CASP8: variants seen among roughly 807,000 people sequenced by gnomAD.
CASP8 encodes the protein caspase-8.
In CASP8, 24 loss-of-function variants were observed where a neutral mutation model predicts 46.3. That is an observed-to-expected ratio of 0.52 (90% CI 0.38 to 0.73). The LOEUF (loss-of-function observed/expected upper bound fraction) is 0.73. Among genes scored for constraint, CASP8 ranks in the 30% least tolerant of loss-of-function variants. CASP8 has a pLI of 0.00. For synonymous variants in CASP8, 188 were observed against 200.4 expected, an observed-to-expected ratio of 0.94 and a Z score of 0.52; for missense variants, 460 against 559.0, an observed-to-expected ratio of 0.82 and a Z score of 1.79.
At chr2:201,261,524 A>T (rs1319105959) in intron 1 of CASP8, among the ~76,000 whole-genome samples, 1 of 152,200 alleles carries the variant, frequency 6.6e-6, no homozygotes, top group Non-Finnish European at 1.5e-5. Context: ...TGCAAGTTTC[A>T]TTCTGTTTGA....
intron 2 of CASP8, among the ~76,000 whole-genome samples, chr2:201,245,141 C>A (rs1444314025): frequency 1.3e-5 from 2 of 152,216 alleles, no homozygotes; most frequent in Admixed American, 1.3e-4. Flanking sequence ...GGCCACAAAT[C>A]TGGGGCCATT....
chr2:201,267,724 T>C (rs1947924778), intron 2 of CASP8, among the ~76,000 whole-genome samples: 1 of 152,218 alleles, frequency 6.6e-6, no homozygotes, highest in Admixed American at 6.5e-5. Context: ...TTAGCTTTGC[T>C]TTCAGGAAAC....
chr2:201,267,246 C>A (rs1291371028), intron 2 of CASP8, among the ~76,000 whole-genome samples: 1 of 151,976 alleles, frequency 6.6e-6, no homozygotes, highest in Non-Finnish European at 1.5e-5. Flanking sequence ...TCTCGATATC[C>A]AGATTGTGTG....
chr2:201,256,138 TAGGAGTTCC>T (rs1218371819), upstream of CASP8, among the ~76,000 whole-genome samples: 1 of 152,254 alleles, frequency 6.6e-6, no homozygotes, highest in Non-Finnish European at 1.5e-5. Context: ...TTTGCTCAGA[TAGGAGTTCC>T]AAAGCTGGAG....
At position 201,272,909 on chromosome 2, in the gene CASP8, A is replaced by T. The variant is rs1188998753; in HGVS notation, c.562A>T (p.Ser188Cys). 4 of 1,614,208 alleles carry T rather than the reference A, an allele frequency of 2.5e-6. No homozygotes were observed. The highest frequency in any genetic ancestry group is 2.5e-6 in the Non-Finnish European group (3 of 1,180,010). ...YEEFSKERSSSLEGSPDEFSN... is the reference protein window; with the variant it reads ...YEEFSKERSSCLEGSPDEFSN... Reference sequence around the variant, plus strand: ...CCCTTTTAATTCAGAGAGAAGCAGCAGCCTTGAAGGAAGTCCTGATGAATT... The same window carrying T: ...CCCTTTTAATTCAGAGAGAAGCAGCTGCCTTGAAGGAAGTCCTGATGAATT... The change falls in exon 5 of 9, where the codon AGC becomes TGC. Residue 188 changes from serine to cysteine, a missense_variant. By Grantham distance (112) the Ser-to-Cys change is moderately radical. Transcript: ENST00000673742. This position sits in a 1 kb window ranked among gnomAD's most constrained non-coding sequence, Gnocchi z 4.4.
chr2:201,235,379 T>G (rs1946006449), intron 2 of CASP8, among the ~76,000 whole-genome samples: 1 of 152,202 alleles, frequency 6.6e-6, no homozygotes, highest in African/African-American at 2.4e-5. Context: ...TTCTTAAAAT[T>G]ACAGTATTTA....
At position 201,276,864 on chromosome 2, in the gene CASP8, G is replaced by A. The variant is rs771150445; in HGVS notation, c.698G>A (p.Arg233Gln). Residue 233 changes from arginine (R) to glutamine (Q), a missense_variant, in exon 7 of 9, where the codon CGG becomes CAG. Physicochemically the swap from Arg to Gln is conservative, Grantham distance 43. Coordinates refer to ENST00000673742, the MANE Select transcript of CASP8 (RefSeq NM_001372051.1). ...DKVYQMKSKPRGYCLIINNHN... is the reference protein window; with the variant it reads ...DKVYQMKSKPQGYCLIINNHN... Reference sequence around the variant, plus strand: ...GTTTACCAAATGAAAAGCAAACCTCGGGGATACTGTCTGATCATCAACAAT... The same window carrying A: ...GTTTACCAAATGAAAAGCAAACCTCAGGGATACTGTCTGATCATCAACAAT... 7 of 1,613,924 alleles carry A rather than the reference G, an allele frequency of 4.3e-6. No individual in the cohort carries two copies. Among genetic ancestry groups the A allele is most frequent in the South Asian group, 2.2e-5 (2 of 91,080 alleles).
Position 201,276,921 on chromosome 2 carries a change from C to T in CASP8, c.755C>T (p.Pro252Leu), listed in dbSNP as rs1221800282. Reference protein sequence around the residue: ...HNFAKAREKVPKLHSIRDRNG... With the variant: ...HNFAKAREKVLKLHSIRDRNG... Reference sequence around the variant, plus strand: ...TTTGCAAAAGCACGGGAGAAAGTGCCCAAACTTCACAGCATTAGGGACAGG... The same window carrying T: ...TTTGCAAAAGCACGGGAGAAAGTGCTCAAACTTCACAGCATTAGGGACAGG... The change falls in exon 7 of 9, where the codon CCC becomes CTC. Residue 252 changes from proline to leucine, a missense_variant. Physicochemically the swap from Pro to Leu is moderately conservative, Grantham distance 98. Coordinates refer to ENST00000673742, the MANE Select transcript of CASP8 (RefSeq NM_001372051.1). The T allele has an allele frequency of 3.7e-6, 6 of 1,613,958 alleles. No individual in the cohort carries two copies. The East Asian group carries it at 1.1e-4, about 30-fold the overall frequency.
At chr2:201,261,222 T>C (rs1947369059) in intron 1 of CASP8, among the ~76,000 whole-genome samples, 1 of 151,756 alleles carries the variant, frequency 6.6e-6, no homozygotes, top group Non-Finnish European at 1.5e-5. Flanking sequence ...AGAAACCCCG[T>C]CTCTACTAAA....
At chr2:201,242,867 G>A (rs1351126693) in intron 2 of CASP8, 1 of 152,246 alleles carries the variant, frequency 6.6e-6, no homozygotes, top group East Asian at 1.9e-4. Context: ...AGAAAATGTG[G>A]TAGTCACATA....
At chr2:201,250,003 TAAGGAAATGAAGACTCC>T (rs2124986758) in intron 2 of CASP8, among the ~76,000 whole-genome samples, 1 of 152,348 alleles carries the variant, frequency 6.6e-6, no homozygotes, top group East Asian at 1.9e-4. Flanking sequence ...GAAGCCTTTA[TAAGGAAATGAAGACTCC>T]AAGAAGCAGT....
rs771197994 is a variant in CASP8, at chr2:201,285,025, T to G, written c.1012T>G (p.Ser338Ala). The G allele has an allele frequency of 6.8e-6, 11 of 1,614,078 alleles. No individual in the cohort carries two copies. The highest frequency in any genetic ancestry group is 3.3e-5 in the Admixed American group (2 of 59,984). ...GQEAPIYELT[S>A]QFTGLKCPSL... ...GGAGGCCCCCATCTATGAGCTGACA[T>G]CTCAGTTCACTGGTTTGAAGTGCCC... The change falls in exon 8 of 9, where the codon TCT becomes GCT. Residue 338 changes from serine to alanine, a missense_variant. Ser to Ala is a moderately conservative substitution (Grantham distance 99). Transcript: ENST00000673742.
chr2:201,267,803 G>A (rs1180409167), intron 2 of CASP8, among the ~76,000 whole-genome samples: 1 of 152,220 alleles, frequency 6.6e-6, no homozygotes, highest in Non-Finnish European at 1.5e-5. Flanking sequence ...TATGGCATGT[G>A]AGATGGAAAG....
In CASP8 at chr2:201,269,490, A is replaced by T. The variant is rs1006047483; in HGVS notation, c.306-2026A>T. The T allele has an allele frequency of 2.5e-6, 4 of 1,590,132 alleles. No homozygotes were observed. In the Admixed American group the frequency reaches 6.7e-5, roughly 27 times the overall value. On this transcript the variant is annotated intron_variant, in intron 2 of 8. Coordinates refer to ENST00000673742, the MANE Select transcript of CASP8 (RefSeq NM_001372051.1). ...CCGAGGGGGGTCTCATCTTGTGCCC[A>T]CCATCTTGGTCCTTTGAAGGTTCCA...
chr2:201,270,089 G>A (rs1048875157), intron 2 of CASP8, among the ~76,000 whole-genome samples: 5 of 152,218 alleles, frequency 3.3e-5, no homozygotes, highest in African/African-American at 7.2e-5. Context: ...TAAAGTCAAC[G>A]TGTTTTTGTA....
intron 2 of CASP8, among the ~76,000 whole-genome samples, chr2:201,269,242 A>G (rs1181949679): frequency 6.6e-6 from 1 of 152,118 alleles, no homozygotes; most frequent in African/African-American, 2.4e-5. Flanking sequence ...CCTGGCCAGC[A>G]TGACCTCATC....
chr2:201,278,585 G>A (rs1948798775), intron 7 of CASP8, among the ~76,000 whole-genome samples: 2 of 149,738 alleles, frequency 1.3e-5, no homozygotes, highest in South Asian at 2.1e-4. Context: ...TGCCCAGGCT[G>A]CAGTGCAATA....
At chr2:201,235,116 C>T (rs184184332) in intron 2 of CASP8, among the ~76,000 whole-genome samples, 52 of 152,130 alleles carry the variant, frequency 3.4e-4, no homozygotes, top group African/African-American at 1.2e-3. Flanking sequence ...TCTTTCTTAC[C>T]CATTATCGAG....
intron 2 of CASP8, among the ~76,000 whole-genome samples, chr2:201,247,190 CAAAAAAA>C (rs71022356): frequency 0.13 from 10,814 of 81,212 alleles, 444 homozygotes; most frequent in South Asian, 0.26. Context: ...CTGTCTGTCT[CAAAAAAA>C]AAAAAAAAAA....
Sources: gnomAD v4.1 joint callset for allele counts (sites outside exome capture counted in the v4.1 genomes callset) on GRCh38, gnomAD v4.1.1 for gene constraint, Gnocchi (gnomAD v3.1) non-coding constraint, MANE v1.5 for transcripts, NCBI Gene and HGNC (gene_info 2026-07-23, HGNC 2026-07-21) for gene names.